Variants in XKR6 observed in about 807,000 individuals in gnomAD.
XKR6 encodes XK related 6, also known as XK-related protein 6.
In XKR6, 22 loss-of-function variants were observed where a neutral mutation model predicts 56.7. The ratio of observed to expected loss-of-function variants is 0.39; its 90% CI spans 0.28 to 0.55. The LOEUF is 0.55. Among genes scored for constraint, XKR6 ranks in the 20% least tolerant of loss-of-function variants. The probability of loss-of-function intolerance (pLI) is 0.66; values close to 1 mark genes in which losing one functional copy is unlikely to be tolerated. For synonymous variants in XKR6, 524 were observed against 387.8 expected, an observed-to-expected ratio of 1.35 and a Z score of -4.13; for missense variants, 852 against 889.0, an observed-to-expected ratio of 0.96 and a Z score of 0.53.
At chr8:11,192,902 T>C (rs918835583) in intron 1 of XKR6, among the ~76,000 whole-genome samples, 3 of 152,170 alleles carry the variant, frequency 2.0e-5, no homozygotes, top group African/African-American at 7.2e-5. Flanking sequence ...AGTTCTAGAT[T>C]GCCCTGCCTG....
Position 11,154,176 on chromosome 8 carries a change from A to C in XKR6, c.764+46400T>G, listed in dbSNP as rs370082628. Among the ~76,000 whole-genome samples the C allele has an allele frequency of 3.0e-4, 46 of 152,280 alleles. 1 individual carries two copies. In the East Asian group the frequency reaches 7.9e-3, roughly 26 times the overall value. ...CTTAGGGTAGGGTTGGCCATATGAG[A>C]AGGACCAATCATGTGATTTAGGGTG... On this transcript the variant is annotated intron_variant, in intron 1 of 2. Transcript: ENST00000416569.
chr8:10,918,442 GGACTTGACAGTCCA>G (rs1375306311), intron 2 of XKR6, among the ~76,000 whole-genome samples: 2 of 152,214 alleles, frequency 1.3e-5, no homozygotes, highest in African/African-American at 2.4e-5. Flanking sequence ...TGTGTGTACT[GGACTTGACAGTCCA>G]CATCCATGCC....
chr8:11,179,186 C>T (rs1394863444), intron 1 of XKR6, among the ~76,000 whole-genome samples: 1 of 151,910 alleles, frequency 6.6e-6, no homozygotes, highest in Non-Finnish European at 1.5e-5. Context: ...TGATTGGTTT[C>T]GGTTCTGTGA....
chr8:10,947,242 T>C (rs1052429415), intron 1 of XKR6, among the ~76,000 whole-genome samples: 2 of 152,004 alleles, frequency 1.3e-5, no homozygotes, highest in African/African-American at 4.8e-5. Flanking sequence ...CGTCTGAGAT[T>C]TGGTTTGGTT....
intron 1 of XKR6, chr8:11,108,123 G>T: frequency 5.8e-6 from 2 of 346,258 alleles, no homozygotes; most frequent in Non-Finnish European, 5.6e-6. Flanking sequence ...CACGCAAAGG[G>T]ACCCGTGTGT....
chr8:11,129,851 G>C (rs1800014848), intron 1 of XKR6, among the ~76,000 whole-genome samples: 1 of 151,572 alleles, frequency 6.6e-6, no homozygotes, highest in African/African-American at 2.4e-5. Flanking sequence ...CACAATAAAT[G>C]TGTGAAGACA....
In XKR6 at chr8:10,984,732, C is replaced by CTCTCTCTCTCTCTATATATATATA; in HGVS notation, c.765-59903_765-59902insTATATATATATAGAGAGAGAGAGA. Among the ~76,000 whole-genome samples the CTCTCTCTCTCTCTATATATATATA allele has an allele frequency of 1.6e-3, 75 of 47,464 alleles. 1 individual carries two copies. The highest frequency in any genetic ancestry group is 2.5e-3 in the Non-Finnish European group (59 of 23,782). The allele number at this position is 47,464 out of a possible 152,430, so 31.1% of individuals were successfully genotyped here. A position where few individuals can be genotyped will look rare whatever the true frequency, so the allele number is the denominator to read the frequency against. ...TCTCTCTCTCTCTCTCTCTCTCTCT[C>CTCTCTCTCTCTCTATATATATATA]TATATATATATATATATATATATAT... On this transcript the variant is annotated intron_variant, in intron 1 of 2. Coordinates refer to ENST00000416569, the MANE Select transcript of XKR6 (RefSeq NM_173683.4).
At chr8:11,195,240 T>C (rs891879730) in intron 1 of XKR6, 1 of 699,446 alleles carries the variant, frequency 1.4e-6, no homozygotes, top group Non-Finnish European at 2.6e-6. Context: ...TTATAAAAAA[T>C]AATCACCCTA....
intron 1 of XKR6, among the ~76,000 whole-genome samples, chr8:11,070,799 CT>C (rs1800095282): frequency 1.3e-5 from 2 of 152,194 alleles, no homozygotes; most frequent in African/African-American, 2.4e-5. Flanking sequence ...AATTAGGTGA[CT>C]TGCCCAAGAT....
At chr8:10,941,906 G>A (rs1023134994) in intron 1 of XKR6, among the ~76,000 whole-genome samples, 1 of 151,916 alleles carries the variant, frequency 6.6e-6, no homozygotes. Flanking sequence ...CTCTGCCCCA[G>A]CAGCCAGGCC....
chr8:11,120,700 T>C (rs2129183391), intron 1 of XKR6, among the ~76,000 whole-genome samples: 1 of 152,260 alleles, frequency 6.6e-6, no homozygotes, highest in East Asian at 1.9e-4. Flanking sequence ...AAAGCTCATA[T>C]GGAACCAAAA....
chr8:11,188,471 T>C (rs2117116750), intron 1 of XKR6, among the ~76,000 whole-genome samples: 1 of 152,322 alleles, frequency 6.6e-6, no homozygotes, highest in South Asian at 2.1e-4. Flanking sequence ...GAGTCCTTTA[T>C]TGTAGTTTCT....
intron 1 of XKR6, among the ~76,000 whole-genome samples, chr8:11,021,085 G>A (rs1200373643): frequency 6.6e-6 from 1 of 152,068 alleles, no homozygotes; most frequent in East Asian, 1.9e-4. Context: ...GATACGTCAA[G>A]CCTTAGTCTC....
At chr8:10,973,678 C>T (rs1408662198) in intron 1 of XKR6, among the ~76,000 whole-genome samples, 3 of 152,124 alleles carry the variant, frequency 2.0e-5, no homozygotes, top group Non-Finnish European at 4.4e-5. Flanking sequence ...ACCTCCGGGG[C>T]TCAAAGGATC....
intron 1 of XKR6, among the ~76,000 whole-genome samples, chr8:11,065,895 C>A (rs1799964502): frequency 6.6e-6 from 1 of 152,216 alleles, no homozygotes; most frequent in East Asian, 1.9e-4. Flanking sequence ...GGCAATGTGG[C>A]AGGGCTAAGC....
At chr8:11,089,349 A>T (rs1486498188) in intron 1 of XKR6, among the ~76,000 whole-genome samples, 2 of 152,238 alleles carry the variant, frequency 1.3e-5, no homozygotes, top group African/African-American at 4.8e-5. Context: ...AAAATGAAGT[A>T]GTCTGGGCCA....
At chr8:11,006,776 CT>C (rs1384881658) in intron 1 of XKR6, among the ~76,000 whole-genome samples, 1 of 152,222 alleles carries the variant, frequency 6.6e-6, no homozygotes, top group Non-Finnish European at 1.5e-5. Context: ...AGATGGCTCT[CT>C]CTAGCTGGAT....
chr8:11,164,306 T>C (rs963545489), intron 1 of XKR6, among the ~76,000 whole-genome samples: 1 of 152,186 alleles, frequency 6.6e-6, no homozygotes, highest in African/African-American at 2.4e-5. Flanking sequence ...CGAGGTCAAT[T>C]ACTTAGGTAC....
chr8:10,956,541 G>A (rs1801895065), intron 1 of XKR6, among the ~76,000 whole-genome samples: 1 of 152,174 alleles, frequency 6.6e-6, no homozygotes, highest in Non-Finnish European at 1.5e-5. Flanking sequence ...TCGACAGAGA[G>A]GACAGCGCTA....
Sources: allele counts gnomAD v4.1 joint callset (sites outside exome capture counted in the v4.1 genomes callset), GRCh38; gene constraint gnomAD v4.1.1; transcripts MANE v1.5; gene names NCBI Gene and HGNC (gene_info 2026-07-23, HGNC 2026-07-21).